NEDD9: variants seen among roughly 807,000 people sequenced by gnomAD.
NEDD9 encodes neural precursor cell expressed, developmentally down-regulated 9.
Under a neutral mutation model 76.6 loss-of-function variants are expected in NEDD9, and 26 were observed. That is an observed-to-expected ratio of 0.34 (90% CI 0.25 to 0.47). The LOEUF (loss-of-function observed/expected upper bound fraction) is 0.47, where lower values mean the gene tolerates loss of function less well. Ranked by LOEUF, NEDD9 falls within the 20% of genes least tolerant of loss-of-function variation. The pLI, the probability that NEDD9 is intolerant of heterozygous loss-of-function variation, is 1.00. For missense variants in NEDD9, 937 were observed against 1,058.5 expected, an observed-to-expected ratio of 0.89 and a Z score of 1.59; for synonymous variants, 392 against 414.2, an observed-to-expected ratio of 0.95 and a Z score of 0.65.
At chr6:11,201,943 T>C (rs1225872949) in intron 2 of NEDD9, among the ~76,000 whole-genome samples, 1 of 152,198 alleles carries the variant, frequency 6.6e-6, no homozygotes, top group African/African-American at 2.4e-5. Flanking sequence ...AGTTTACCCA[T>C]GAATTTAGTA....
intron 2 of NEDD9, among the ~76,000 whole-genome samples, chr6:11,332,093 A>G (rs1332626816): frequency 6.6e-6 from 1 of 152,234 alleles, no homozygotes; most frequent in Non-Finnish European, 1.5e-5. Context: ...AGATTAGAAA[A>G]AAATGTTGGT....
intron 3 of NEDD9, among the ~76,000 whole-genome samples, chr6:11,302,067 G>A (rs1761060550): frequency 6.6e-6 from 1 of 152,026 alleles, no homozygotes; most frequent in African/African-American, 2.4e-5. Context: ...AAAAATCAAT[G>A]AATCCAGGAG....
chr6:11,355,731 A>AT (rs562920765), intron 1 of NEDD9, among the ~76,000 whole-genome samples: 255 of 150,168 alleles, frequency 1.7e-3, no homozygotes, highest in South Asian at 2.5e-3. Flanking sequence ...TTTTTTAATT[A>AT]TTTTTTTGAG....
At chr6:11,267,862 T>A (rs1424259293) in intron 3 of NEDD9, among the ~76,000 whole-genome samples, 1 of 152,182 alleles carries the variant, frequency 6.6e-6, no homozygotes, top group Non-Finnish European at 1.5e-5. Flanking sequence ...TTCTAAGTAT[T>A]ATGCCGTAAG....
intron 3 of NEDD9, chr6:11,305,892 C>CAA: frequency 1.4e-6 from 2 of 1,426,128 alleles, no homozygotes; most frequent in Admixed American, 1.7e-5. Context: ...GCCCGTATGA[C>CAA]AAAAAAACAT....
intron 3 of NEDD9, among the ~76,000 whole-genome samples, chr6:11,245,653 G>A (rs1561804859): frequency 6.6e-6 from 1 of 152,074 alleles, no homozygotes; most frequent in Non-Finnish European, 1.5e-5. Flanking sequence ...AAATCACACC[G>A]TAAAGTTATG....
intron 1 of NEDD9, among the ~76,000 whole-genome samples, chr6:11,364,430 G>A (rs756860631): frequency 3.2e-4 from 48 of 152,246 alleles, no homozygotes; most frequent in Admixed American, 1.8e-3. Flanking sequence ...CATTGAACCT[G>A]GGGGTGGCCT....
chr6:11,333,043 AAAGG>A (rs201772627), intron 2 of NEDD9, among the ~76,000 whole-genome samples: 20 of 64,418 alleles, frequency 3.1e-4, no homozygotes, highest in Middle Eastern at 7.1e-3. Flanking sequence ...AGGAAGGAAA[AAAGG>A]AAGGAAGGAA....
chr6:11,205,716 T>A (rs1220790895), intron 2 of NEDD9, among the ~76,000 whole-genome samples: 1 of 151,964 alleles, frequency 6.6e-6, no homozygotes. Context: ...AACCTCTGCC[T>A]CCCAGGTACA....
At chr6:11,348,758 T>C (rs1762409603) in intron 1 of NEDD9, among the ~76,000 whole-genome samples, 1 of 152,156 alleles carries the variant, frequency 6.6e-6, no homozygotes, top group Admixed American at 6.5e-5. Flanking sequence ...CCTTATACTA[T>C]ATACAAAAAT....
chr6:11,249,358 G>A (rs1759869554), intron 3 of NEDD9: 1 of 359,376 alleles, frequency 2.8e-6, no homozygotes, highest in Non-Finnish European at 5.4e-6. Context: ...GCTCTATAAA[G>A]TCTGTAGAGA....
At position 11,340,793 on chromosome 6, in the gene NEDD9, G is replaced by A. The variant is rs183369742; in HGVS notation, c.-213-6232C>T. ...GTCCTGGAGGTGTTTCCAAGAGCTA[G>A]TGTGATTCTGTTAAAACCTAAATCA... is the stretch of plus-strand genomic sequence containing the variant. On this transcript the variant is annotated intron_variant, in intron 1 of 3. Coordinates refer to the NEDD9 transcript ENST00000397378. Among the ~76,000 whole-genome samples, 641 of 152,344 alleles carry A rather than the reference G, an allele frequency of 4.2e-3. 2 individuals carry two copies. Among genetic ancestry groups the A allele is most frequent in the African/African-American group, 0.015 (608 of 41,572 alleles).
chr6:11,321,640 G>A (rs531032685), intron 2 of NEDD9, among the ~76,000 whole-genome samples: 4 of 152,286 alleles, frequency 2.6e-5, no homozygotes, highest in African/African-American at 9.6e-5. Context: ...TGGGAACTGA[G>A]CCCTCTGAAT....
At chr6:11,356,434 T>C (rs1762576725) in intron 1 of NEDD9, among the ~76,000 whole-genome samples, 2 of 152,208 alleles carry the variant, frequency 1.3e-5, no homozygotes, top group Non-Finnish European at 2.9e-5. Flanking sequence ...TAACTATCAT[T>C]AATAATATAT....
chr6:11,244,824 G>A (rs1304063286), intron 3 of NEDD9, among the ~76,000 whole-genome samples: 1 of 152,190 alleles, frequency 6.6e-6, no homozygotes, highest in Non-Finnish European at 1.5e-5. Flanking sequence ...GGCATTTAGA[G>A]TGGAGAGATG....
chr6:11,237,445 T>C (rs1272084446), upstream of NEDD9, among the ~76,000 whole-genome samples: 2 of 152,254 alleles, frequency 1.3e-5, no homozygotes, highest in East Asian at 1.9e-4. This position sits in a 1 kb window ranked among gnomAD's most constrained non-coding sequence, Gnocchi z 4.9. Context: ...TGTTTGAGTT[T>C]AGCAGTGAGT....
chr6:11,233,270 G>A (rs1285681070), upstream of NEDD9: 3 of 518,982 alleles, frequency 5.8e-6, no homozygotes, highest in South Asian at 4.2e-5. Context: ...GCAAGGAGCT[G>A]GAAGACAATT....
chr6:11,199,637 C>CTTTTTATTTTTTTTT (rs1758380397), intron 2 of NEDD9: 1 of 43,110 alleles, frequency 2.3e-5, no homozygotes, highest in Non-Finnish European at 4.3e-5. Context: ...TAGGAAAGAT[C>CTTTTTATTTTTTTTT]TTTTTTTTTT....
intron 3 of NEDD9, among the ~76,000 whole-genome samples, chr6:11,265,449 A>G (rs1026918999): frequency 1.3e-5 from 2 of 152,364 alleles, no homozygotes; most frequent in African/African-American, 2.4e-5. Context: ...TGTTCTTTCA[A>G]TAAATCTATG....
Sources: allele counts gnomAD v4.1 joint callset (sites outside exome capture counted in the v4.1 genomes callset), GRCh38; gene constraint gnomAD v4.1.1; non-coding constraint Gnocchi (gnomAD v3.1); transcripts MANE v1.5; gene names NCBI Gene and HGNC (gene_info 2026-07-23, HGNC 2026-07-21).